The following XPOT variants were observed in gnomAD, a reference collection of about 807,000 sequenced individuals.
XPOT encodes exportin-T.
A neutral mutation model predicts 128.2 loss-of-function variants in XPOT; 34 were observed. The ratio of observed to expected loss-of-function variants is 0.27; its 90% CI spans 0.20 to 0.35. XPOT has a LOEUF of 0.35. Ranked by LOEUF, XPOT falls within the 10% of genes least tolerant of loss-of-function variation. The pLI, the probability that XPOT is intolerant of heterozygous loss-of-function variation, is 1.00. For missense variants in XPOT, 838 were observed against 1,125.3 expected (o/e 0.74, Z 3.65); for synonymous variants, 348 against 394.3 (o/e 0.88, Z 1.39).
intron 18 of XPOT, among the ~76,000 whole-genome samples, chr12:64,432,380 G>C (rs567919574): frequency 2.6e-5 from 4 of 152,118 alleles, no homozygotes; most frequent in South Asian, 4.1e-4. Flanking sequence ...TGAGTAGCTG[G>C]AACTATAGGT....
chr12:64,441,988 C>T (rs1025462307), intron 23 of XPOT, among the ~76,000 whole-genome samples: 2 of 151,790 alleles, frequency 1.3e-5, no homozygotes, highest in Non-Finnish European at 2.9e-5. Context: ...CATTAAGAAG[C>T]ATTTTGTTGA....
rs200446739 is a variant in XPOT, at chr12:64,423,026, C to G, written c.1102C>G (p.Gln368Glu). The change falls in exon 10 of 25, where the codon CAA (glutamine) becomes GAA (glutamate). Residue 368 changes from glutamine (Q) to glutamate (E), a missense_variant. Physicochemically the swap from Gln to Glu is conservative, Grantham distance 29. Around this residue, in one of 3 missense-constraint regions of XPOT, gnomAD observed 761 missense variants for 988.3 expected, o/e 0.77. Transcript: ENST00000332707. ...ACAGCTTACAGTGCTCTCGGATCAG[C>G]AAAAAGCTAATGTAGAGGTAATTGA... ...LKQLTVLSDQ[Q>E]KANVEAIMLA... 7 of 1,613,238 alleles carry G rather than the reference C, an allele frequency of 4.3e-6. No individual in the cohort carries two copies. The highest frequency in any genetic ancestry group is 5.1e-6 in the Non-Finnish European group (6 of 1,179,902).
chr12:64,434,599 C>T lies in XPOT; in HGVS notation c.2545C>T (p.Leu849Phe), dbSNP rs2040267636. The stretch of plus-strand genomic sequence containing the variant: ...TGCACAGAAAACATGTTTTATCATC[C>T]TCTCAAAGTTGGTAGAACTCTGGGG... ...PIAQKTCFII[L>F]SKLVELWGGK... Residue 849 changes from leucine to phenylalanine, a missense_variant, in exon 20 of 25, where the codon CTC becomes TTC. Around this residue, in one of 3 missense-constraint regions of XPOT, gnomAD observed 21 missense variants for 57.8 expected, o/e 0.36. Transcript: ENST00000332707. 6.2e-7 allele frequency: 1 copy of T among 1,613,654 alleles called. No individual in the cohort carries two copies. Among genetic ancestry groups the T allele is most frequent in the African/African-American group, 1.3e-5 (1 of 74,900 alleles).
chr12:64,409,254 A>G (rs1470708633), intron 1 of XPOT, among the ~76,000 whole-genome samples: 1 of 152,206 alleles, frequency 6.6e-6, no homozygotes, highest in Non-Finnish European at 1.5e-5. Flanking sequence ...AATTACTGTA[A>G]TAGTCTGCAT....
At position 64,419,033 on chromosome 12, in the gene XPOT, T is replaced by A; in HGVS notation, c.428T>A (p.Leu143Gln). 1.2e-6 allele frequency: 2 copies of A among 1,613,984 alleles called. No homozygotes were observed. Among genetic ancestry groups the A allele is most frequent in the Non-Finnish European group, 1.7e-6 (2 of 1,179,988 alleles). Reference sequence around the variant, plus strand: ...AATCCAAGGGGAGTAGATCTCTACCTGCGAATCCTCATGGCTATTGATTCA... The same window carrying A: ...AATCCAAGGGGAGTAGATCTCTACCAGCGAATCCTCATGGCTATTGATTCA... ...DLNPRGVDLY[L>Q]RILMAIDSEL... is the part of the protein sequence containing the mutation. The change falls in exon 6 of 25, where the codon CTG becomes CAG. Residue 143 changes from leucine (L) to glutamine (Q), a missense_variant. This residue lies in a region of XPOT where 761 missense variants were observed against 988.3 expected (regional missense o/e 0.77). Transcript: ENST00000332707.
intron 14 of XPOT, 31 bp downstream of exon 14, chr12:64,425,488 T>C: frequency 6.2e-7 from 1 of 1,610,286 alleles, no homozygotes; most frequent in Non-Finnish European, 8.5e-7. Flanking sequence ...TTACTTTCCA[T>C]GGGTTTCAGC....
intron 11 of XPOT, among the ~76,000 whole-genome samples, chr12:64,423,645 G>A (rs975158912): frequency 6.6e-6 from 1 of 152,016 alleles, no homozygotes; most frequent in African/African-American, 2.4e-5. Flanking sequence ...GTAGAGACGG[G>A]GTTTCGCCGT....
chr12:64,405,937 C>T (rs1457413655), intron 1 of XPOT, among the ~76,000 whole-genome samples: 1 of 151,370 alleles, frequency 6.6e-6, no homozygotes, highest in Non-Finnish European at 1.5e-5. Context: ...ATTGATCGTC[C>T]AAATGCCTTC....
intron 15 of XPOT, among the ~76,000 whole-genome samples, chr12:64,426,670 G>A (rs146047776): frequency 6.0e-4 from 91 of 152,234 alleles, no homozygotes; most frequent in African/African-American, 2.1e-3. Flanking sequence ...AAACCTCCAT[G>A]TGTACCCCCT....
At chr12:64,445,211 A>C in intron 24 of XPOT, 80 bp downstream of exon 24, 1 of 1,089,256 alleles carries the variant, frequency 9.2e-7, no homozygotes, top group Non-Finnish European at 1.4e-6. Flanking sequence ...ACCTGCAATT[A>C]TAGATGTTTA....
At chr12:64,431,493 T>C (rs779077403) in intron 17 of XPOT, 45 bp from the exon 18 acceptor site, 3 of 1,589,324 alleles carry the variant, frequency 1.9e-6, no homozygotes, top group Non-Finnish European at 2.6e-6. Context: ...ATAACACTTT[T>C]AAAGAATAAA....
chr12:64,428,790 T>C (rs2040213579), intron 16 of XPOT, among the ~76,000 whole-genome samples: 1 of 152,238 alleles, frequency 6.6e-6, no homozygotes, highest in South Asian at 2.1e-4. Flanking sequence ...CAGCACTTCA[T>C]AGGCCACTTT....
chr12:64,421,704 GT>G (rs200198324), intron 9 of XPOT, among the ~76,000 whole-genome samples: 150 of 146,340 alleles, frequency 1.0e-3, no homozygotes, highest in East Asian at 1.8e-3. Context: ...ATAGGTTTAG[GT>G]TTTTTTTTTT....
chr12:64,430,488 C>T (rs957811007), intron 17 of XPOT, among the ~76,000 whole-genome samples: 1 of 152,206 alleles, frequency 6.6e-6, no homozygotes, highest in Non-Finnish European at 1.5e-5. Flanking sequence ...GCCTTGACAA[C>T]TGTAAATCTT....
intron 4 of XPOT, 22 bp downstream of exon 4, chr12:64,416,776 T>C (rs755416678): frequency 1.2e-6 from 2 of 1,601,706 alleles, no homozygotes; most frequent in South Asian, 2.2e-5. Context: ...CTTACTGTTT[T>C]GACTCAGATT....
chr12:64,412,541 T>C (rs2040048060), intron 2 of XPOT, among the ~76,000 whole-genome samples: 1 of 152,240 alleles, frequency 6.6e-6, no homozygotes. Flanking sequence ...CATGGACTGC[T>C]GTTAGAAACA....
chr12:64,442,859 G>GAGTCTTGCTCT (rs1164324131), intron 23 of XPOT: 1 of 158,848 alleles, frequency 6.3e-6, no homozygotes, highest in Non-Finnish European at 1.4e-5. Flanking sequence ...GTTTGAGATG[G>GAGTCTTGCTCT]AGTCTTGCTC....
At chr12:64,410,701 A>G (rs2040030118) in intron 2 of XPOT, among the ~76,000 whole-genome samples, 1 of 152,226 alleles carries the variant, frequency 6.6e-6, no homozygotes, top group Non-Finnish European at 1.5e-5. Flanking sequence ...TGTCTTAAGT[A>G]AAATGGTTAC....
Position 64,435,643 on chromosome 12 carries a change from C to T in XPOT, c.2702C>T (p.Ala901Val). 1.3e-6 allele frequency: 2 copies of T among 1,598,154 alleles called. No homozygotes were observed. The highest frequency in any genetic ancestry group is 2.3e-5 in the East Asian group (1 of 43,954). ...TTTTCACAGGCTTTATCTGAGTGTG[C>T]AGTGACACTGAAAACAATTCATCTC... ...AQTVLALSEC[A>V]VTLKTIHLKR... is the part of the protein sequence containing the mutation. The change falls in exon 22 of 25, where the codon GCA becomes GTA. Residue 901 changes from alanine (A) to valine (V), a missense_variant. Around this residue, in one of 3 missense-constraint regions of XPOT, gnomAD observed 56 missense variants for 79.2 expected, o/e 0.71. Coordinates refer to ENST00000332707, the MANE Select transcript of XPOT (RefSeq NM_007235.6).
Sources: gnomAD v4.1 joint callset for allele counts (sites outside exome capture counted in the v4.1 genomes callset) on GRCh38, gnomAD v4.1.1 for gene constraint, gnomAD v4.1.1 regional missense constraint, MANE v1.5 for transcripts, NCBI Gene and HGNC (gene_info 2026-07-23, HGNC 2026-07-21) for gene names.